The following BCL11A variants were observed in gnomAD, a reference collection of about 807,000 sequenced individuals.
BCL11A encodes the protein BCL11 transcription factor A.
Under a neutral mutation model 55.9 loss-of-function variants are expected in BCL11A, and 2 were observed. That is an observed-to-expected ratio of 0.04 (90% CI 0.01 to 0.11). The LOEUF is 0.11. BCL11A is among the 10% of genes least tolerant of loss of function. The pLI, the probability that BCL11A is intolerant of heterozygous loss-of-function variation, is 1.00. For synonymous variants in BCL11A, 465 were observed against 473.4 expected, an observed-to-expected ratio of 0.98 and a Z score of 0.23; for missense variants, 817 against 1,137.1, an observed-to-expected ratio of 0.72 and a Z score of 4.05.
At chr2:60,521,921 GA>G (rs970418012) in intron 2 of BCL11A, among the ~76,000 whole-genome samples, 21 of 152,278 alleles carry the variant, frequency 1.4e-4, no homozygotes, top group African/African-American at 4.8e-4. Flanking sequence ...GAGAATGGGG[GA>G]CAGTGCACAG....
At chr2:60,454,187 A>C (rs1675842098), downstream of BCL11A, among the ~76,000 whole-genome samples, 1 of 152,160 alleles carries the variant, frequency 6.6e-6, no homozygotes, top group Non-Finnish European at 1.5e-5. Context: ...ACCCATGTCC[A>C]CAGTTCATAG....
intron 2 of BCL11A, among the ~76,000 whole-genome samples, chr2:60,509,978 T>G (rs573403335): frequency 4.6e-5 from 7 of 152,200 alleles, no homozygotes; most frequent in African/African-American, 1.7e-4. Flanking sequence ...ACTCCTCCCT[T>G]CCTTTCATAC....
At chr2:60,480,842 A>G (rs996130790) in intron 2 of BCL11A, among the ~76,000 whole-genome samples, 1 of 152,056 alleles carries the variant, frequency 6.6e-6, no homozygotes, top group Non-Finnish European at 1.5e-5. Flanking sequence ...ATTTTCCTCT[A>G]TTCTCATCCC....
At chr2:60,513,067 C>A (rs761134003) in intron 2 of BCL11A, among the ~76,000 whole-genome samples, 1 of 152,190 alleles carries the variant, frequency 6.6e-6, no homozygotes, top group Non-Finnish European at 1.5e-5. Flanking sequence ...ACCCCCAGAA[C>A]AGTCACCATT....
chr2:60,520,014 TC>T, intron 2 of BCL11A, among the ~76,000 whole-genome samples: 1 of 152,320 alleles, frequency 6.6e-6, no homozygotes, highest in Non-Finnish European at 1.5e-5. Context: ...TGTATCCTCT[TC>T]AAATAATTCG....
chr2:60,551,008 GT>G, intron 1 of BCL11A: 1 of 394,420 alleles, frequency 2.5e-6, no homozygotes, highest in African/African-American at 2.1e-5. Context: ...ACGTGCCGGG[GT>G]GGGGGAGCTT....
intron 2 of BCL11A, among the ~76,000 whole-genome samples, chr2:60,499,324 T>G (rs1008477179): frequency 6.6e-6 from 1 of 152,178 alleles, no homozygotes; most frequent in African/African-American, 2.4e-5. Context: ...GCCACAGTGC[T>G]GGAGGCTGAA....
chr2:60,504,504 C>T (rs1239274538), intron 2 of BCL11A, among the ~76,000 whole-genome samples: 2 of 152,068 alleles, frequency 1.3e-5, no homozygotes, highest in Non-Finnish European at 2.9e-5. Context: ...AAATTTATAC[C>T]AATGTTCTTC....
At chr2:60,519,554 C>A (rs1392329553) in intron 2 of BCL11A, among the ~76,000 whole-genome samples, 1 of 151,476 alleles carries the variant, frequency 6.6e-6, no homozygotes, top group African/African-American at 2.4e-5. Context: ...TGCCTGCCTG[C>A]CTGCCTGCCT....
chr2:60,478,974 T>G (rs1677793750), intron 2 of BCL11A, among the ~76,000 whole-genome samples: 1 of 151,786 alleles, frequency 6.6e-6, no homozygotes, highest in Non-Finnish European at 1.5e-5. Flanking sequence ...TTTTGTTTTT[T>G]TTTTTTCCCT....
Position 60,459,808 on chromosome 2 carries a change from G to C in BCL11A, c.*596C>G. The stretch of plus-strand genomic sequence containing the variant: ...TTTAGAGACAGACATTTAGCTCATA[G>C]AGATTTTTTTTCAGTGCTATCTATT... On this transcript the variant is annotated 3_prime_UTR_variant, in exon 4 of 4. Coordinates refer to ENST00000642384, the MANE Select transcript of BCL11A (RefSeq NM_022893.4). 1.9e-6 allele frequency: 2 copies of C among 1,043,128 alleles called. No homozygotes were observed. Among genetic ancestry groups the C allele is most frequent in the South Asian group, 4.6e-5 (1 of 21,786 alleles). 64.6% of individuals were successfully genotyped at this position (1,043,128 alleles called of 1,614,324 possible). A position where few individuals can be genotyped will look rare whatever the true frequency, so the allele number is the denominator to read the frequency against.
intron 2 of BCL11A, among the ~76,000 whole-genome samples, chr2:60,472,351 A>G (rs1238458713): frequency 1.3e-5 from 2 of 152,146 alleles, no homozygotes; most frequent in Non-Finnish European, 2.9e-5. Context: ...TGGTCTCTCA[A>G]ATGGGACACA....
intron 2 of BCL11A, among the ~76,000 whole-genome samples, chr2:60,541,488 T>C (rs1199645163): frequency 6.6e-6 from 1 of 152,236 alleles, no homozygotes; most frequent in Non-Finnish European, 1.5e-5. Flanking sequence ...TTACAATTTG[T>C]CTTAGAAAGA....
intron 3 of BCL11A, among the ~76,000 whole-genome samples, chr2:60,467,168 ATGGTGG>A (rs1169175530): frequency 5.4e-5 from 2 of 36,826 alleles, no homozygotes; most frequent in East Asian, 8.9e-4. Flanking sequence ...GGTGGTGGTG[ATGGTGG>A]TGGTGGTGGT....
At chr2:60,497,372 C>G (rs1256612006) in intron 2 of BCL11A, among the ~76,000 whole-genome samples, 1 of 152,166 alleles carries the variant, frequency 6.6e-6, no homozygotes, top group East Asian at 1.9e-4. Flanking sequence ...AGCTAGTATT[C>G]AAGCATATAT....
At chr2:60,494,621 C>T (rs1280638147) in intron 2 of BCL11A, among the ~76,000 whole-genome samples, 4 of 152,216 alleles carry the variant, frequency 2.6e-5, no homozygotes, top group Non-Finnish European at 5.9e-5. Flanking sequence ...AATGATTTAT[C>T]ACCAAATGTT....
chr2:60,498,431 A>T (rs1056964263), intron 2 of BCL11A, among the ~76,000 whole-genome samples: 3 of 152,134 alleles, frequency 2.0e-5, no homozygotes, highest in Non-Finnish European at 4.4e-5. Flanking sequence ...GAGGGGTCCC[A>T]CAAGATCACA....
At chr2:60,479,236 TC>T (rs1677808327) in intron 2 of BCL11A, among the ~76,000 whole-genome samples, 1 of 152,146 alleles carries the variant, frequency 6.6e-6, no homozygotes, top group South Asian at 2.1e-4. Flanking sequence ...CATCTTCAAC[TC>T]CTTTCTACCC....
At chr2:60,543,908 A>G (rs1487360868) in intron 2 of BCL11A, 1 of 152,210 alleles carries the variant, frequency 6.6e-6, no homozygotes, top group Non-Finnish European at 1.5e-5. Flanking sequence ...TGGCTTCTCT[A>G]GGCTCTGCTA....
Sources: allele counts gnomAD v4.1 joint callset (sites outside exome capture counted in the v4.1 genomes callset), GRCh38; gene constraint gnomAD v4.1.1; transcripts MANE v1.5; gene names NCBI Gene and HGNC (gene_info 2026-07-23, HGNC 2026-07-21).